The following GABRB3 variants were observed in gnomAD, a reference collection of about 807,000 sequenced individuals.
GABRB3 encodes gamma-aminobutyric acid type A receptor subunit beta3.
In GABRB3, 14 loss-of-function variants were observed where a neutral mutation model predicts 52.1. The ratio of observed to expected loss-of-function variants is 0.27; its 90% confidence interval spans 0.18 to 0.42. GABRB3 has a LOEUF of 0.42. GABRB3 is among the 10% of genes least tolerant of loss of function. The probability of loss-of-function intolerance (pLI) is 1.00; values close to 1 mark genes in which losing one functional copy is unlikely to be tolerated. For missense variants in GABRB3, 307 were observed against 609.1 expected (o/e 0.50, Z 5.22); for synonymous variants, 260 against 232.3 (o/e 1.12, Z -1.08).
chr15:26,688,738 A>C (rs1421747246), intron 3 of GABRB3, among the ~76,000 whole-genome samples: 2 of 152,204 alleles, frequency 1.3e-5, no homozygotes, highest in Non-Finnish European at 2.9e-5. Context: ...GGAGTGGCTG[A>C]GAAATTCTGA....
intron 3 of GABRB3, among the ~76,000 whole-genome samples, chr15:26,729,180 T>C (rs1889845516): frequency 6.6e-6 from 1 of 152,166 alleles, no homozygotes; most frequent in Non-Finnish European, 1.5e-5. Flanking sequence ...CGGGGGCCTC[T>C]GTGTTCTCAG....
chr15:26,689,354 C>A (rs919328248), intron 3 of GABRB3, among the ~76,000 whole-genome samples: 3 of 152,102 alleles, frequency 2.0e-5, no homozygotes, highest in Non-Finnish European at 4.4e-5. Context: ...AGGGTCACAG[C>A]CTGCATGGCC....
At chr15:26,628,468 G>C (rs528236659) in intron 3 of GABRB3, among the ~76,000 whole-genome samples, 1 of 152,168 alleles carries the variant, frequency 6.6e-6, no homozygotes, top group African/African-American at 2.4e-5. Context: ...AACACGAAGG[G>C]ATATGGCAAT....
At chr15:26,742,031 G>A (rs1351704653) in intron 3 of GABRB3, among the ~76,000 whole-genome samples, 2 of 151,840 alleles carry the variant, frequency 1.3e-5, no homozygotes, top group Non-Finnish European at 2.9e-5. Context: ...CAATTTCTGG[G>A]TTAAAAGTAC....
chr15:26,620,485 CAT>C lies in GABRB3; in HGVS notation c.461+827_461+828del, dbSNP rs1283384296. On this transcript the variant is annotated intron_variant, in intron 4 of 8. Coordinates refer to ENST00000311550, the MANE Select transcript of GABRB3 (RefSeq NM_000814.6). The stretch of plus-strand genomic sequence containing the variant: ...ATACATCTTTTCTCTAAGCTATCCA[CAT>C]GTGTCCCACTCAACACTGAGAGCCA... Among the ~76,000 whole-genome samples the C allele has an allele frequency of 3.3e-5, 5 of 152,088 alleles. No homozygotes were observed. In the South Asian group the frequency reaches 6.2e-4, roughly 19 times the overall value.
chr15:26,573,789 C>A (rs2044629789), intron 6 of GABRB3, among the ~76,000 whole-genome samples: 1 of 152,172 alleles, frequency 6.6e-6, no homozygotes, highest in Non-Finnish European at 1.5e-5. Context: ...GTGGCTCATG[C>A]CTGCAATCTC....
chr15:26,597,699 A>G (rs1312699289), intron 4 of GABRB3, among the ~76,000 whole-genome samples: 1 of 152,236 alleles, frequency 6.6e-6, no homozygotes, highest in African/African-American at 2.4e-5. Flanking sequence ...TGGCTCCACC[A>G]CCAATACCTA....
At chr15:26,707,003 C>T (rs1889123464) in intron 3 of GABRB3, among the ~76,000 whole-genome samples, 1 of 152,128 alleles carries the variant, frequency 6.6e-6, no homozygotes, top group South Asian at 2.1e-4. Flanking sequence ...TGTCGGAGTG[C>T]CAGGAAGGAT....
chr15:26,761,050 C>A (rs988857577), intron 3 of GABRB3, among the ~76,000 whole-genome samples: 1 of 152,086 alleles, frequency 6.6e-6, no homozygotes, highest in Non-Finnish European at 1.5e-5. Context: ...CATCTGCCCC[C>A]GAGCTACTAT....
intron 3 of GABRB3, among the ~76,000 whole-genome samples, chr15:26,765,224 G>T (rs970384680): frequency 8.6e-5 from 13 of 151,420 alleles, no homozygotes; most frequent in African/African-American, 3.2e-4. Flanking sequence ...GGTGTACAAA[G>T]GTACCAGTGA....
chr15:26,742,823 CA>C (rs1188138043), intron 3 of GABRB3, among the ~76,000 whole-genome samples: 1 of 151,524 alleles, frequency 6.6e-6, no homozygotes, highest in African/African-American at 2.4e-5. Context: ...AAGTTCTTGC[CA>C]AAAGTTATAA....
chr15:26,752,977 G>T (rs916535021), intron 3 of GABRB3, among the ~76,000 whole-genome samples: 1 of 152,134 alleles, frequency 6.6e-6, no homozygotes, highest in African/African-American at 2.4e-5. Context: ...CGTGCTTGAG[G>T]TGTCTATTGT....
chr15:26,758,680 G>C (rs530488817), intron 3 of GABRB3, among the ~76,000 whole-genome samples: 1 of 151,946 alleles, frequency 6.6e-6, no homozygotes, highest in African/African-American at 2.4e-5. Context: ...TCTACCCCAG[G>C]TGTGCTAATT....
intron 3 of GABRB3, among the ~76,000 whole-genome samples, chr15:26,717,249 T>A (rs1325897362): frequency 2.0e-4 from 22 of 110,858 alleles, no homozygotes; most frequent in South Asian, 3.0e-4. Context: ...ACCTCCACCC[T>A]ATGACAGCCC....
In GABRB3 at chr15:26,621,423, C is replaced by T. The variant is rs1281101862; in HGVS notation, c.352G>A (p.Val118Met). 1 of 1,614,130 alleles carries T rather than the reference C, an allele frequency of 6.2e-7. No homozygotes were observed. The highest frequency in any genetic ancestry group is 1.1e-5 in the South Asian group (1 of 91,080). The change falls in exon 4 of 9, where the codon GTG becomes ATG. Residue 118 changes from valine to methionine, a missense_variant. Physicochemically the swap from Val to Met is conservative, Grantham distance 21. Around this residue, in one of 6 missense-constraint regions of GABRB3, gnomAD observed 31 missense variants for 71.2 expected, o/e 0.44. Coordinates refer to ENST00000311550, the MANE Select transcript of GABRB3 (RefSeq NM_000814.6). The surrounding 1 kb of genome is among the most constrained non-coding windows in gnomAD (Gnocchi z 4.1). Reference sequence around the variant, plus strand: ...TCATTTAAGAAATATGTGTCGGGCACCCATAGCTGGTCAGCCACTCGATTG... The same window carrying T: ...TCATTTAAGAAATATGTGTCGGGCATCCATAGCTGGTCAGCCACTCGATTG... Reference protein sequence around the residue: ...LDNRVADQLWVPDTYFLNDKK... With the variant: ...LDNRVADQLWMPDTYFLNDKK...
At chr15:26,648,764 A>G (rs901806796) in intron 3 of GABRB3, among the ~76,000 whole-genome samples, 4 of 152,212 alleles carry the variant, frequency 2.6e-5, no homozygotes, top group Non-Finnish European at 1.5e-5. Context: ...GCGAGGCAGG[A>G]GACAGAATCA....
chr15:26,695,717 T>C (rs549725310), intron 3 of GABRB3, among the ~76,000 whole-genome samples: 126 of 152,332 alleles, frequency 8.3e-4, no homozygotes, highest in Non-Finnish European at 1.3e-3. Context: ...TAATTCTTAA[T>C]TGATCTAACA....
At chr15:26,644,598 C>A (rs1008525811) in intron 3 of GABRB3, among the ~76,000 whole-genome samples, 1 of 152,210 alleles carries the variant, frequency 6.6e-6, no homozygotes, top group African/African-American at 2.4e-5. Flanking sequence ...TCTGGGGCTT[C>A]CAGCCTCCGG....
At chr15:26,552,821 A>C (rs1407268666) in intron 8 of GABRB3, among the ~76,000 whole-genome samples, 3 of 152,036 alleles carry the variant, frequency 2.0e-5, no homozygotes, top group Non-Finnish European at 4.4e-5. Context: ...TCACACTGGG[A>C]ATGTTGTTGT....
Sources: allele counts gnomAD v4.1 joint callset (sites outside exome capture counted in the v4.1 genomes callset), GRCh38; gene constraint gnomAD v4.1.1; regional missense constraint gnomAD v4.1.1; non-coding constraint Gnocchi (gnomAD v3.1); transcripts MANE v1.5; gene names NCBI Gene and HGNC (gene_info 2026-07-23, HGNC 2026-07-21).